The following SUMF1 variants were observed in gnomAD, a reference collection of about 807,000 sequenced individuals.
The protein encoded by SUMF1 is sulfatase modifying factor 1, also known as formylglycine-generating enzyme.
SUMF1 carries 48 observed loss-of-function variants against 47.6 expected under a neutral mutation model. The ratio of observed to expected loss-of-function variants is 1.01; its 90% CI spans 0.80 to 1.28. The LOEUF is 1.28. Ranked by LOEUF, SUMF1 falls within the 50% of genes most tolerant of loss-of-function variation. The pLI is 0.00. For missense variants in SUMF1, 571 were observed against 485.4 expected, an observed-to-expected ratio of 1.18 and a Z score of -1.66; for synonymous variants, 230 against 192.1, an observed-to-expected ratio of 1.20 and a Z score of -1.63.
chr3:4,390,363 G>C (rs184083431), intron 7 of SUMF1, among the ~76,000 whole-genome samples: 1 of 152,144 alleles, frequency 6.6e-6, no homozygotes, highest in Non-Finnish European at 1.5e-5. Context: ...GAGGGTACAA[G>C]CCTAGACTCC....
chr3:4,399,870 G>A (rs1478025658), intron 7 of SUMF1, among the ~76,000 whole-genome samples: 2 of 152,100 alleles, frequency 1.3e-5, no homozygotes, highest in African/African-American at 4.8e-5. Flanking sequence ...TGATTCTTGT[G>A]CCTTAGCCTC....
intron 8 of SUMF1, among the ~76,000 whole-genome samples, chr3:4,252,344 A>ACACATGCG (rs1269934715): frequency 7.7e-6 from 1 of 129,070 alleles, no homozygotes; most frequent in East Asian, 2.0e-4. Context: ...CTCCAAATAC[A>ACACATGCG]CACATGCGCA....
chr3:4,148,487 T>G (rs982051729), intron 8 of SUMF1, among the ~76,000 whole-genome samples: 2 of 152,176 alleles, frequency 1.3e-5, no homozygotes, highest in Non-Finnish European at 2.9e-5. Flanking sequence ...TGTCCATATG[T>G]GCAAGTGGTT....
chr3:4,060,128 C>T (rs1004665305), intron 9 of SUMF1, among the ~76,000 whole-genome samples: 7 of 152,130 alleles, frequency 4.6e-5, no homozygotes, highest in Non-Finnish European at 8.8e-5. Flanking sequence ...ATCAGATTTA[C>T]GTTTTGAAAA....
At chr3:4,308,438 A>G (rs1698277643) in intron 8 of SUMF1, among the ~76,000 whole-genome samples, 1 of 152,248 alleles carries the variant, frequency 6.6e-6, no homozygotes, top group Non-Finnish European at 1.5e-5. Context: ...CCAGAAACAT[A>G]TGTTGTTTTA....
At chr3:4,171,853 A>G (rs1694839568) in intron 8 of SUMF1, among the ~76,000 whole-genome samples, 1 of 152,200 alleles carries the variant, frequency 6.6e-6, no homozygotes, top group South Asian at 2.1e-4. Context: ...TACCTGAAAC[A>G]TCAGGTACCA....
intron 8 of SUMF1, 110 bp from the exon 9 acceptor site, chr3:4,362,364 G>A: frequency 1.2e-6 from 1 of 848,254 alleles, no homozygotes; most frequent in Non-Finnish European, 2.0e-6. Context: ...CCACAACCCT[G>A]CCTGTATGGA....
At chr3:4,054,072 G>A (rs1695154951) in intron 9 of SUMF1, among the ~76,000 whole-genome samples, 1 of 152,040 alleles carries the variant, frequency 6.6e-6, no homozygotes, top group Admixed American at 6.6e-5. Flanking sequence ...GAATGTCTGA[G>A]AAATAATAAG....
intron 8 of SUMF1, among the ~76,000 whole-genome samples, chr3:4,291,016 G>T (rs1290040893): frequency 2.6e-5 from 4 of 152,106 alleles, no homozygotes; most frequent in African/African-American, 9.7e-5. Flanking sequence ...ATGTAGTGAG[G>T]AGAGGTAGTG....
intron 8 of SUMF1, among the ~76,000 whole-genome samples, chr3:4,183,668 TG>T (rs1163313814): frequency 1.3e-5 from 2 of 152,160 alleles, no homozygotes; most frequent in African/African-American, 4.8e-5. Flanking sequence ...AAATGATTCA[TG>T]GAAAAACTGA....
At chr3:4,160,529 C>A (rs1694552282) in intron 8 of SUMF1, among the ~76,000 whole-genome samples, 1 of 152,060 alleles carries the variant, frequency 6.6e-6, no homozygotes, top group Non-Finnish European at 1.5e-5. Flanking sequence ...TGCATCTCCT[C>A]TGCTGTGTAT....
chr3:4,057,025 C>T (rs779036462), intron 9 of SUMF1, among the ~76,000 whole-genome samples: 3 of 151,702 alleles, frequency 2.0e-5, no homozygotes, highest in East Asian at 1.9e-4. Context: ...GGATCACAGG[C>T]GTGAGCCACC....
At position 4,418,382 on chromosome 3, in the gene SUMF1, C is replaced by T. The variant is rs138840830; in HGVS notation, c.603-250G>A. ...AAAACATTTCTTCACTTTGTAGGCT[C>T]GGATTCCCACAGAATGTCATTGGTA... On this transcript the variant is annotated intron_variant, in intron 4 of 8. Transcript: ENST00000272902. Among the ~76,000 whole-genome samples the T allele has an allele frequency of 3.5e-3, 526 of 152,298 alleles. 1 individual carries two copies. The highest frequency in any genetic ancestry group is 6.3e-3 in the Non-Finnish European group (427 of 68,032).
At chr3:4,035,283 G>A (rs1359442496) in intron 9 of SUMF1, among the ~76,000 whole-genome samples, 1 of 152,100 alleles carries the variant, frequency 6.6e-6, no homozygotes, top group Non-Finnish European at 1.5e-5. Context: ...ATCAAGTGTT[G>A]GTAGGGCTAG....
intron 3 of SUMF1, among the ~76,000 whole-genome samples, chr3:4,447,806 A>G (rs1434333011): frequency 6.6e-6 from 1 of 152,204 alleles, no homozygotes; most frequent in Non-Finnish European, 1.5e-5. Flanking sequence ...AAGCACACAC[A>G]CTTTACTATG....
intron 8 of SUMF1, among the ~76,000 whole-genome samples, chr3:4,122,891 G>A (rs1403675520): frequency 3.3e-5 from 5 of 152,274 alleles, no homozygotes; most frequent in South Asian, 2.1e-4. Context: ...TGTGGCTGAC[G>A]TTGCAACACC....
At chr3:4,388,378 A>C (rs1420242282) in intron 7 of SUMF1, among the ~76,000 whole-genome samples, 2 of 151,932 alleles carry the variant, frequency 1.3e-5, no homozygotes, top group Non-Finnish European at 2.9e-5. Flanking sequence ...GAATATAGCC[A>C]CTCTGACTTT....
intron 8 of SUMF1, among the ~76,000 whole-genome samples, chr3:4,260,102 A>G (rs1697053082): frequency 6.6e-6 from 1 of 152,084 alleles, no homozygotes; most frequent in Non-Finnish European, 1.5e-5. Context: ...CTCATTTATG[A>G]CTCAGGAACT....
chr3:4,289,403 G>T (rs1697696797), intron 8 of SUMF1, among the ~76,000 whole-genome samples: 1 of 152,202 alleles, frequency 6.6e-6, no homozygotes, highest in Non-Finnish European at 1.5e-5. Flanking sequence ...GCTCCAAAGA[G>T]CAAGGAACCG....
Sources: allele counts gnomAD v4.1 joint callset (sites outside exome capture counted in the v4.1 genomes callset), GRCh38; gene constraint gnomAD v4.1.1; transcripts MANE v1.5; gene names NCBI Gene and HGNC (gene_info 2026-07-23, HGNC 2026-07-21).